Variants in UPP2 observed in about 807,000 individuals in gnomAD.
The protein encoded by UPP2 is uridine phosphorylase 2, also known as UPase 2.
UPP2 carries 23 observed loss-of-function variants against 26.7 expected under a neutral mutation model. The observed-to-expected ratio is 0.86, with a 90% CI of 0.62 to 1.22. The LOEUF (loss-of-function observed/expected upper bound fraction) is 1.22, where lower values mean the gene tolerates loss of function less well. Ranked by LOEUF, UPP2 falls within the 50% of genes most tolerant of loss-of-function variation. The pLI is 0.00. For synonymous variants in UPP2, 127 were observed against 141.3 expected, an observed-to-expected ratio of 0.90 and a Z score of 0.72; for missense variants, 387 against 396.7, an observed-to-expected ratio of 0.98 and a Z score of 0.21.
Position 158,013,443 on chromosome 2 carries a change from G to T in UPP2, c.62-2358G>T, listed in dbSNP as rs192967882. The stretch of plus-strand genomic sequence containing the variant: ...TTTACCAATGTTAGGGGTTGGCCTG[G>T]CTGCCAAGGCCCAGGTATTTAATTC... On this transcript the variant is annotated intron_variant, in intron 2 of 9. Transcript: ENST00000605860. Among the ~76,000 whole-genome samples, 3 of 152,350 alleles carry T rather than the reference G, an allele frequency of 2.0e-5. No individual in the cohort carries two copies. In the East Asian group the frequency reaches 5.8e-4, roughly 29 times the overall value.
chr2:158,061,947 G>A (rs1253006144), intron 3 of UPP2, among the ~76,000 whole-genome samples: 2 of 152,208 alleles, frequency 1.3e-5, no homozygotes, highest in African/African-American at 2.4e-5. Context: ...CTCTATCCCA[G>A]CGACAGGCAT....
At position 158,117,683 on chromosome 2, in the gene UPP2, A is replaced by G. The variant is rs978627394; in HGVS notation, c.340-141A>G. The G allele has an allele frequency of 6.0e-6, 4 of 664,974 alleles. No homozygotes were observed. The African/African-American group carries it at 7.2e-5, about 12-fold the overall frequency. The allele number at this position is 664,974 out of a possible 1,614,324, so 41.2% of individuals were successfully genotyped here. A position where few individuals can be genotyped will look rare whatever the true frequency, so the allele number is the denominator to read the frequency against. ...TGTAGGTGCCAATTAGGGAGGACTT[A>G]CATTTTCCTCAGCATTGGCAAAGTC... On this transcript the variant is annotated intron_variant, in intron 3 of 6. Transcript: ENST00000005756.
intron 3 of UPP2, among the ~76,000 whole-genome samples, chr2:158,025,856 G>A (rs1281097996): frequency 6.6e-6 from 1 of 152,212 alleles, no homozygotes; most frequent in African/African-American, 2.4e-5. Flanking sequence ...CAGTAGAAGG[G>A]GGTCTGGAGG....
chr2:158,043,499 G>C (rs981112669), intron 3 of UPP2, among the ~76,000 whole-genome samples: 14 of 152,334 alleles, frequency 9.2e-5, no homozygotes, highest in Middle Eastern at 3.4e-3. Context: ...TAGCCATCCA[G>C]GGGCTCACAG....
chr2:158,104,443 T>TTAAATACC (rs1683137672), intron 1 of UPP2, among the ~76,000 whole-genome samples: 1 of 152,234 alleles, frequency 6.6e-6, no homozygotes, highest in South Asian at 2.1e-4. Flanking sequence ...TTAAAAATAC[T>TTAAATACC]TAAAATCTTT....
At chr2:158,054,507 C>A (rs1682217171) in intron 3 of UPP2, among the ~76,000 whole-genome samples, 2 of 151,126 alleles carry the variant, frequency 1.3e-5, no homozygotes, top group African/African-American at 4.9e-5. Context: ...AAGTCATTTT[C>A]CTCTGATAAT....
chr2:158,037,758 T>C (rs573667883), intron 3 of UPP2, among the ~76,000 whole-genome samples: 1 of 151,184 alleles, frequency 6.6e-6, no homozygotes, highest in East Asian at 2.0e-4. Flanking sequence ...TATGACCTCA[T>C]CTTAATTTAA....
At chr2:158,098,899 C>G (rs73968547), upstream of UPP2, among the ~76,000 whole-genome samples, 577 of 152,246 alleles carry the variant, frequency 3.8e-3, 2 homozygotes, top group African/African-American at 0.013. Flanking sequence ...TAATGTTAAA[C>G]TATAACACAT....
intron 3 of UPP2, among the ~76,000 whole-genome samples, chr2:158,058,764 G>A (rs1293516996): frequency 6.8e-6 from 1 of 146,630 alleles, no homozygotes; most frequent in Non-Finnish European, 1.5e-5. Context: ...CATTTGTTTT[G>A]AGGGAACGAA....
At chr2:158,045,683 C>G (rs1218163457) in intron 3 of UPP2, among the ~76,000 whole-genome samples, 2 of 152,136 alleles carry the variant, frequency 1.3e-5, no homozygotes, top group African/African-American at 2.4e-5. Context: ...GTAGAGGAAA[C>G]AGAGTTTGGG....
intron 3 of UPP2, among the ~76,000 whole-genome samples, chr2:158,046,983 G>A (rs141573958): frequency 2.0e-5 from 3 of 152,262 alleles, no homozygotes; most frequent in South Asian, 4.1e-4. Context: ...CAACTAAAAC[G>A]ACACCATGCT....
intron 3 of UPP2, among the ~76,000 whole-genome samples, chr2:158,085,429 C>T (rs1682796825): frequency 6.6e-6 from 1 of 152,012 alleles, no homozygotes; most frequent in Non-Finnish European, 1.5e-5. Context: ...TCTAGGTATA[C>T]AATCATATCA....
chr2:158,018,869 C>T (rs532298604), intron 3 of UPP2, among the ~76,000 whole-genome samples: 4 of 152,168 alleles, frequency 2.6e-5, no homozygotes, highest in Non-Finnish European at 4.4e-5. Flanking sequence ...TCCCAGATGT[C>T]GAAGGAGCCA....
intron 3 of UPP2, among the ~76,000 whole-genome samples, chr2:158,066,994 T>C (rs1682446393): frequency 6.6e-6 from 1 of 152,202 alleles, no homozygotes; most frequent in Admixed American, 6.5e-5. Flanking sequence ...TCTAAAATTA[T>C]TGTAATTTTT....
intron 6 of UPP2, among the ~76,000 whole-genome samples, chr2:158,125,334 C>A (rs1459317505): frequency 6.6e-6 from 1 of 151,968 alleles, no homozygotes; most frequent in Admixed American, 6.6e-5. Flanking sequence ...GAACCACTAT[C>A]CTTAACTACT....
intron 3 of UPP2, among the ~76,000 whole-genome samples, chr2:158,017,242 G>A (rs1683673731): frequency 6.6e-6 from 1 of 152,128 alleles, no homozygotes. Context: ...ATGATTTTAA[G>A]TGAGTTGTAA....
intron 3 of UPP2, among the ~76,000 whole-genome samples, chr2:158,080,439 TA>T (rs1217511314): frequency 2.4e-4 from 37 of 152,164 alleles, no homozygotes; most frequent in Non-Finnish European, 3.7e-4. Context: ...ACAGCATCTA[TA>T]TCCTGTGACA....
At chr2:158,106,281 T>C (rs1683193726) in intron 2 of UPP2, 65 bp downstream of exon 2, 1 of 1,422,114 alleles carries the variant, frequency 7.0e-7, no homozygotes, top group African/African-American at 1.4e-5. Context: ...CTTCTTACCT[T>C]GCCAAAATAA....
In UPP2 at chr2:158,112,560, A is replaced by G. The variant is rs1683341785; in HGVS notation, c.181-2541A>G. Among the ~76,000 whole-genome samples the G allele has an allele frequency of 3.9e-5, 6 of 152,162 alleles. No homozygotes were observed. In the South Asian group the frequency reaches 1.2e-3, roughly 31 times the overall value. On this transcript the variant is annotated intron_variant, in intron 2 of 6. Transcript: ENST00000005756. ...TGGATTAGGAAATGATTTCTTATGT[A>G]AGATACCAAAACACAAGCAATAAAA...
Sources: allele counts gnomAD v4.1 joint callset (sites outside exome capture counted in the v4.1 genomes callset), GRCh38; gene constraint gnomAD v4.1.1; transcripts MANE v1.5; gene names NCBI Gene and HGNC (gene_info 2026-07-23, HGNC 2026-07-21).